Variants in ADGRB3 observed in about 807,000 individuals in gnomAD.
ADGRB3 encodes brain-specific angiogenesis inhibitor 3.
A neutral mutation model predicts 193.4 loss-of-function variants in ADGRB3; 37 were observed. That is an observed-to-expected ratio of 0.19 (90% CI 0.15 to 0.25). The LOEUF is 0.25. Ranked by LOEUF, ADGRB3 falls within the 10% of genes least tolerant of loss-of-function variation. The probability of loss-of-function intolerance (pLI) is 1.00; values close to 1 mark genes in which losing one functional copy is unlikely to be tolerated. For synonymous variants in ADGRB3, 690 were observed against 644.2 expected (o/e 1.07, Z -1.08); for missense variants, 1,637 against 1,852.9 (o/e 0.88, Z 2.14).
chr6:69,302,446 G>A (rs561393186), intron 20 of ADGRB3, among the ~76,000 whole-genome samples: 1 of 151,866 alleles, frequency 6.6e-6, no homozygotes, highest in South Asian at 2.1e-4. Flanking sequence ...TGCCAGTAAG[G>A]GATTATCTTT....
intron 10 of ADGRB3, among the ~76,000 whole-genome samples, chr6:68,985,701 C>T (rs1181112248): frequency 1.3e-5 from 2 of 152,092 alleles, no homozygotes; most frequent in South Asian, 2.1e-4. Context: ...GTTGCATATG[C>T]GGTGTGATAA....
At chr6:69,343,881 C>T (rs2127322126) in intron 26 of ADGRB3, among the ~76,000 whole-genome samples, 1 of 152,258 alleles carries the variant, frequency 6.6e-6, no homozygotes, top group Middle Eastern at 3.4e-3. Context: ...ATTTATCCAT[C>T]ATTGGTTGAT....
chr6:68,952,905 C>A (rs535938682), intron 6 of ADGRB3, among the ~76,000 whole-genome samples: 1 of 152,094 alleles, frequency 6.6e-6, no homozygotes, highest in Non-Finnish European at 1.5e-5. Flanking sequence ...AACATTAACA[C>A]AGAATATGTA....
intron 20 of ADGRB3, among the ~76,000 whole-genome samples, chr6:69,259,544 A>C (rs1302343628): frequency 6.6e-6 from 1 of 151,904 alleles, no homozygotes; most frequent in Non-Finnish European, 1.5e-5. Context: ...AAAACGCAAA[A>C]AAATAGCCGG....
At chr6:69,308,229 C>T (rs866544378) in intron 20 of ADGRB3, among the ~76,000 whole-genome samples, 5 of 151,440 alleles carry the variant, frequency 3.3e-5, no homozygotes, top group South Asian at 4.1e-4. Context: ...TATCTAGTCT[C>T]ACTGGACATG....
At chr6:69,249,005 T>C (rs968918746) in intron 20 of ADGRB3, among the ~76,000 whole-genome samples, 1 of 152,058 alleles carries the variant, frequency 6.6e-6, no homozygotes, top group Non-Finnish European at 1.5e-5. Context: ...TGAAATGGAG[T>C]TTTGCTTTGT....
chr6:68,919,637 A>G (rs1311975867), intron 3 of ADGRB3, among the ~76,000 whole-genome samples: 1 of 152,222 alleles, frequency 6.6e-6, no homozygotes, highest in African/African-American at 2.4e-5. Flanking sequence ...AGGAGGAAGA[A>G]AATTAAAATC....
At chr6:69,258,163 C>G (rs1351766945) in intron 20 of ADGRB3, among the ~76,000 whole-genome samples, 1 of 151,596 alleles carries the variant, frequency 6.6e-6, no homozygotes, top group Non-Finnish European at 1.5e-5. Flanking sequence ...AAAAAAATGA[C>G]AACTATTTGT....
intron 3 of ADGRB3, among the ~76,000 whole-genome samples, chr6:68,738,675 G>A (rs911189694): frequency 6.6e-6 from 1 of 152,120 alleles, no homozygotes; most frequent in African/African-American, 2.4e-5. Context: ...TTTGGCATGA[G>A]CAATTTTAAG....
At chr6:69,161,845 A>G (rs936635821) in intron 17 of ADGRB3, among the ~76,000 whole-genome samples, 1 of 152,228 alleles carries the variant, frequency 6.6e-6, no homozygotes, top group Non-Finnish European at 1.5e-5. Flanking sequence ...TTCATCAGGT[A>G]GCTTCTCCAT....
chr6:69,252,064 C>T (rs922466331), intron 20 of ADGRB3, among the ~76,000 whole-genome samples: 34 of 152,220 alleles, frequency 2.2e-4, no homozygotes, highest in African/African-American at 7.7e-4. Flanking sequence ...GCCAGTCAAT[C>T]CCCATCCCCT....
intron 20 of ADGRB3, among the ~76,000 whole-genome samples, chr6:69,252,642 A>G (rs1398459575): frequency 2.0e-5 from 3 of 152,034 alleles, no homozygotes; most frequent in Admixed American, 2.0e-4. Context: ...GGCCATTTTA[A>G]ATCCTCTATT....
intron 21 of ADGRB3, among the ~76,000 whole-genome samples, chr6:69,327,339 A>G (rs1002681396): frequency 2.0e-5 from 3 of 152,162 alleles, no homozygotes; most frequent in African/African-American, 7.2e-5. Context: ...CAAATTATAA[A>G]GAAAGTGTTA....
chr6:68,944,072 G>C (rs1767709134), intron 6 of ADGRB3, 78 bp downstream of exon 6: 3 of 1,423,500 alleles, frequency 2.1e-6, no homozygotes, highest in Admixed American at 3.9e-5. Flanking sequence ...GAAATATTAA[G>C]AGTACAACCT....
chr6:68,677,676 C>A (rs1769129763), intron 3 of ADGRB3, among the ~76,000 whole-genome samples: 2 of 151,920 alleles, frequency 1.3e-5, no homozygotes, highest in South Asian at 4.2e-4. Context: ...CACCAACACA[C>A]TGGGCGAATT....
chr6:68,993,029 T>TA (rs1769281121), intron 10 of ADGRB3, among the ~76,000 whole-genome samples: 1 of 152,144 alleles, frequency 6.6e-6, no homozygotes, highest in Admixed American at 6.5e-5. Context: ...ACCTTACTAT[T>TA]CTTTCGCATT....
intron 3 of ADGRB3, among the ~76,000 whole-genome samples, chr6:68,739,635 G>A (rs1765938664): frequency 6.6e-6 from 1 of 152,142 alleles, no homozygotes; most frequent in South Asian, 2.1e-4. Flanking sequence ...ACAGCTGAGA[G>A]TGAGGATAGC....
At chr6:69,345,190 G>T (rs1287141130) in intron 26 of ADGRB3, among the ~76,000 whole-genome samples, 4 of 152,124 alleles carry the variant, frequency 2.6e-5, no homozygotes, top group Non-Finnish European at 4.4e-5. Context: ...GTAGCTCAGG[G>T]CAGGGAGGGT....
chr6:68,942,800 G>A (rs895920932), intron 5 of ADGRB3, among the ~76,000 whole-genome samples: 16 of 152,002 alleles, frequency 1.1e-4, no homozygotes, highest in African/African-American at 3.9e-4. Flanking sequence ...TAGTAGAGAT[G>A]GTGTTTCACT....
Sources: gnomAD v4.1 joint callset for allele counts (sites outside exome capture counted in the v4.1 genomes callset) on GRCh38, gnomAD v4.1.1 for gene constraint, MANE v1.5 for transcripts, NCBI Gene and HGNC (gene_info 2026-07-23, HGNC 2026-07-21) for gene names.